Variants in CEP63 observed in about 807,000 individuals in gnomAD.
CEP63 encodes centrosomal protein 63.
Under a neutral mutation model 89.1 loss-of-function variants are expected in CEP63, and 84 were observed. The ratio of observed to expected loss-of-function variants is 0.94; its 90% CI spans 0.79 to 1.13. The LOEUF (loss-of-function observed/expected upper bound fraction) is 1.13. CEP63 is among the 50% of genes most tolerant of loss of function. CEP63 has a pLI of 0.00. For synonymous variants in CEP63, 267 were observed against 272.5 expected (o/e 0.98, Z 0.20); for missense variants, 838 against 813.3 (o/e 1.03, Z -0.37).
intron 3 of CEP63, among the ~76,000 whole-genome samples, chr3:134,520,427 G>A (rs1947197825): frequency 6.6e-6 from 1 of 152,042 alleles, no homozygotes. Flanking sequence ...GATATAAATG[G>A]AAGAATAGAT....
In CEP63 at chr3:134,545,750, C is replaced by T. The variant is rs1295420010; in HGVS notation, c.720C>T (p.Thr240=). Residue 240 remains threonine, a synonymous_variant, in exon 7 of 15, where the codon ACC becomes ACT. Transcript: ENST00000675561. ...TGAGGGTCAATGACTTGGTTGGAAC[C>T]AGTATGACTGTCCTACAGGAGCAGC... ...LTMRVNDLVG[T]SMTVLQEQQQ... 6.2e-7 allele frequency: 1 copy of T among 1,613,914 alleles called. No individual in the cohort carries two copies. The highest frequency in any genetic ancestry group is 1.3e-5 in the African/African-American group (1 of 74,886).
the CEP63 span, among the ~76,000 whole-genome samples, chr3:134,713,461 G>A: frequency 3.3e-5 from 5 of 152,286 alleles, no homozygotes; most frequent in African/African-American, 7.2e-5. Flanking sequence ...GTTGGCTGAC[G>A]CCTTGTGACC....
At chr3:134,638,598 G>C in the CEP63 span, among the ~76,000 whole-genome samples, 1 of 152,182 alleles carries the variant, frequency 6.6e-6, no homozygotes, top group African/African-American at 2.4e-5. Context: ...TGCTAATCTT[G>C]AGAACGGGCT....
At chr3:134,604,974 G>A in the CEP63 span, among the ~76,000 whole-genome samples, 1 of 152,164 alleles carries the variant, frequency 6.6e-6, no homozygotes, top group African/African-American at 2.4e-5. Context: ...CTGAGACTGT[G>A]CATAGGAGGT....
At chr3:134,772,266 A>G in the CEP63 span, among the ~76,000 whole-genome samples, 1 of 47,330 alleles carries the variant, frequency 2.1e-5, no homozygotes, top group South Asian at 1.1e-3. Context: ...TTAATGCCAG[A>G]CACCCCGTGC....
At position 134,547,610 on chromosome 3, in the gene CEP63, ATTT is replaced by A. The variant is rs1398833250; in HGVS notation, c.1067+139_1067+141del. ...GTATCCACAAATGGCCTAAGTTCTT[ATTT>A]CTTTTTTTTTTTTTTTGAGACGGAG... On this transcript the variant is annotated intron_variant, in intron 9 of 14. Transcript: ENST00000675561. 77 of 227,484 alleles carry A rather than the reference ATTT, an allele frequency of 3.4e-4. No individual in the cohort carries two copies. The African/African-American group carries it at 4.9e-3, about 14-fold the overall frequency. 14.1% of individuals were successfully genotyped at this position (227,484 alleles called of 1,614,324 possible). A position where few individuals can be genotyped will look rare whatever the true frequency, so the allele number is the denominator to read the frequency against.
intron 2 of CEP63, among the ~76,000 whole-genome samples, chr3:134,504,414 G>GC (rs1559885263): frequency 1.3e-5 from 2 of 152,032 alleles, no homozygotes. Context: ...TGAATATATC[G>GC]CCCCATTCTC....
the CEP63 span, among the ~76,000 whole-genome samples, chr3:134,650,275 T>A: frequency 6.6e-6 from 1 of 152,220 alleles, no homozygotes; most frequent in Non-Finnish European, 1.5e-5. Context: ...TATCCAAACC[T>A]GCGTTCCTTT....
chr3:134,648,505 C>T, the CEP63 span, among the ~76,000 whole-genome samples: 1 of 152,222 alleles, frequency 6.6e-6, no homozygotes, highest in Non-Finnish European at 1.5e-5. Context: ...ATATCCTCTA[C>T]TGCTGCAGGA....
chr3:134,766,393 C>T, the CEP63 span, among the ~76,000 whole-genome samples: 1 of 152,230 alleles, frequency 6.6e-6, no homozygotes, highest in Non-Finnish European at 1.5e-5. Context: ...TAGGAACCTG[C>T]TTTACCCCTG....
intron 11 of CEP63, among the ~76,000 whole-genome samples, chr3:134,550,491 C>T (rs1484809247): frequency 2.0e-5 from 3 of 152,152 alleles, no homozygotes; most frequent in Admixed American, 6.5e-5. Flanking sequence ...CACTAGAGAT[C>T]ACAAGCAGCC....
chr3:134,604,120 A>T, the CEP63 span: 1 of 1,610,432 alleles, frequency 6.2e-7, no homozygotes, highest in Non-Finnish European at 8.5e-7. Context: ...GCTGAAGCTG[A>T]TGGAGCAGCG....
Position 134,559,416 on chromosome 3 carries a change from A to C in CEP63, c.1940A>C (p.Glu647Ala), listed in dbSNP as rs771515611. ...TCTGAGAGTATGAATGACCAAGAAG[A>C]GTTTATATCTTCGGTATGGAAACTT... is the stretch of plus-strand genomic sequence containing the variant. ...TMSESMNDQE[E>A]FISSCSLPVS... The change falls in exon 14 of 15, where the codon GAG becomes GCG. Residue 647 changes from glutamate (E) to alanine (A), a missense_variant. Coordinates refer to ENST00000675561, the MANE Select transcript of CEP63 (RefSeq NM_001353108.3). The C allele has an allele frequency of 6.2e-7, 1 of 1,613,578 alleles. No individual in the cohort carries two copies. Among genetic ancestry groups the C allele is most frequent in the Non-Finnish European group, 8.5e-7 (1 of 1,179,630 alleles).
the CEP63 span, among the ~76,000 whole-genome samples, chr3:134,640,900 C>T: frequency 9.8e-5 from 15 of 152,294 alleles, no homozygotes; most frequent in Admixed American, 2.6e-4. Context: ...TTATTCTCTA[C>T]GCATTGGATG....
At chr3:134,742,312 G>T in the CEP63 span, among the ~76,000 whole-genome samples, 1 of 152,096 alleles carries the variant, frequency 6.6e-6, no homozygotes, top group African/African-American at 2.4e-5. Context: ...AAAGCACAGA[G>T]GATGAGGATG....
the CEP63 span, among the ~76,000 whole-genome samples, chr3:134,736,963 C>A: frequency 2.6e-5 from 4 of 151,958 alleles, no homozygotes; most frequent in Non-Finnish European, 5.9e-5. Context: ...TGGGGCAGAG[C>A]AAATAGACTG....
the CEP63 span, among the ~76,000 whole-genome samples, chr3:134,652,253 A>C: frequency 6.6e-6 from 1 of 152,168 alleles, no homozygotes; most frequent in South Asian, 2.1e-4. Flanking sequence ...AGTGGTCTTC[A>C]TATGGTAGCT....
the CEP63 span, among the ~76,000 whole-genome samples, chr3:134,683,793 T>C: frequency 6.6e-6 from 1 of 152,042 alleles, no homozygotes; most frequent in African/African-American, 2.4e-5. Flanking sequence ...CCCATCTTTA[T>C]AGGTTTAGCA....
chr3:134,650,816 G>A, the CEP63 span: 1 of 1,569,182 alleles, frequency 6.4e-7, no homozygotes, highest in Non-Finnish European at 8.7e-7. Context: ...CGGGTCGGGC[G>A]CGCGTTACCT....
Sources: gnomAD v4.1 joint callset for allele counts (sites outside exome capture counted in the v4.1 genomes callset) on GRCh38, gnomAD v4.1.1 for gene constraint, MANE v1.5 for transcripts, NCBI Gene and HGNC (gene_info 2026-07-23, HGNC 2026-07-21) for gene names.